Variants in UGT1A3 observed in about 807,000 individuals in gnomAD.
The protein encoded by UGT1A3 is UDP-glucuronosyltransferase 1A3.
A neutral mutation model predicts 41.0 loss-of-function variants in UGT1A3; 31 were observed. The ratio of observed to expected loss-of-function variants is 0.76; its 90% CI spans 0.57 to 1.02. UGT1A3 has a LOEUF of 1.02. UGT1A3 is among the 50% of genes least tolerant of loss of function. The probability of loss-of-function intolerance (pLI) is 0.00; values close to 1 mark genes in which losing one functional copy is unlikely to be tolerated. For synonymous variants in UGT1A3, 262 were observed against 257.6 expected, an observed-to-expected ratio of 1.02 and a Z score of -0.17; for missense variants, 737 against 671.0, an observed-to-expected ratio of 1.10 and a Z score of -1.09.
intron 1 of UGT1A3, chr2:233,760,497 C>T (rs1553620689): frequency 2.5e-6 from 4 of 1,614,200 alleles, no homozygotes; most frequent in East Asian, 2.2e-5. Flanking sequence ...ACATCAGAGA[C>T]GGAGCATTTT....
At position 233,772,256 on chromosome 2, in the gene UGT1A3, G is replaced by A; in HGVS notation, c.1308-6G>A. ...CCAGGCATAACGAAACTGTCTTTGTGTTTAGTTACAAGGAGAACATCATGC... is the reference window on the plus strand; with the variant it reads ...CCAGGCATAACGAAACTGTCTTTGTATTTAGTTACAAGGAGAACATCATGC... On this transcript the variant is annotated splice_polypyrimidine_tract_variant and splice_region_variant and intron_variant, in intron 4 of 4. Coordinates refer to ENST00000482026, the MANE Select transcript of UGT1A3 (RefSeq NM_019093.4). 1.9e-6 allele frequency: 3 copies of A among 1,614,262 alleles called. No homozygotes were observed. Among genetic ancestry groups the A allele is most frequent in the Non-Finnish European group, 2.5e-6 (3 of 1,180,048 alleles).
Position 233,729,233 on chromosome 2 carries a change from T to G in UGT1A3, c.107T>G (p.Ile36Ser). The G allele has an allele frequency of 6.2e-7, 1 of 1,614,178 alleles. No individual in the cohort carries two copies. Among genetic ancestry groups the G allele is most frequent in the South Asian group, 1.1e-5 (1 of 91,084 alleles). The change falls in exon 1 of 5, where the codon ATT becomes AGT. Residue 36 changes from isoleucine (I) to serine (S), a missense_variant. Coordinates refer to ENST00000482026, the MANE Select transcript of UGT1A3 (RefSeq NM_019093.4). ...AGTGGAAAGGTGTTGGTGGTGCCCA[T>G]TGATGGCAGCCACTGGCTCAGCATG... is the stretch of plus-strand genomic sequence containing the variant. ...AESGKVLVVP[I>S]DGSHWLSMRE...
chr2:233,740,930 T>G (rs1298950917), intron 1 of UGT1A3: 2 of 151,696 alleles, frequency 1.3e-5, no homozygotes, highest in African/African-American at 2.4e-5. Flanking sequence ...ACAAAAAGTT[T>G]TTTTTTTAAT....
Position 233,769,463 on chromosome 2 carries a change from G to A in UGT1A3, c.1307+1024G>A. On this transcript the variant is annotated intron_variant, in intron 4 of 4. Coordinates refer to ENST00000482026, the MANE Select transcript of UGT1A3 (RefSeq NM_019093.4). The surrounding 1 kb of genome is among the most constrained non-coding windows in gnomAD (Gnocchi z 4.4). Reference sequence around the variant, plus strand: ...TGGGTGCACACGTGTGCATTCATATGCGTGTGTGTGTGTGTGCGTGTGTTT... The same window carrying A: ...TGGGTGCACACGTGTGCATTCATATACGTGTGTGTGTGTGTGCGTGTGTTT... 6.3e-7 allele frequency: 1 copy of A among 1,598,098 alleles called. No homozygotes were observed. The highest frequency in any genetic ancestry group is 8.6e-7 in the Non-Finnish European group (1 of 1,168,000).
chr2:233,755,226 G>A lies in UGT1A3; in HGVS notation c.868-11808G>A, dbSNP rs529614771. The A allele has an allele frequency of 5.1e-6, 5 of 975,542 alleles. No homozygotes were observed. In the East Asian group the frequency reaches 1.5e-4, roughly 29 times the overall value. 60.4% of individuals were successfully genotyped at this position (975,542 alleles called of 1,614,324 possible). On this transcript the variant is annotated intron_variant, in intron 1 of 4. Transcript: ENST00000482026. ...GTACGCCTTCTTGATACCCTCGGAC[G>A]AGGCCTACCGGGGTACTCCCAGCAC...
At chr2:233,768,580 T>TTA in intron 4 of UGT1A3, 141 bp downstream of exon 4, 2 of 1,335,112 alleles carry the variant, frequency 1.5e-6, no homozygotes, top group Non-Finnish European at 1.9e-6. Context: ...TTTTTATTTC[T>TTA]TCTTTTTTTT....
chr2:233,729,175 C>T lies in UGT1A3; in HGVS notation c.49C>T (p.Leu17=), dbSNP rs2077809820. The change falls in exon 1 of 5, where the codon CTG becomes TTG. Residue 17 remains leucine, a synonymous_variant. Coordinates refer to ENST00000482026, the MANE Select transcript of UGT1A3 (RefSeq NM_019093.4). ...CCTGCCGTGGCTGGCCACAGGACTG[C>T]TGCTTCTCCTCAGTGTCCAGCCCTG... The part of the protein sequence containing the change: ...VPLPWLATGL[L]LLLSVQPWAE... 6.2e-7 allele frequency: 1 copy of T among 1,613,710 alleles called. No homozygotes were observed. The highest frequency in any genetic ancestry group is 1.3e-5 in the African/African-American group (1 of 74,930).
chr2:233,743,833 G>A (rs2125856525), intron 1 of UGT1A3: 1 of 1,367,262 alleles, frequency 7.3e-7, no homozygotes, highest in African/African-American at 1.5e-5. Context: ...GGTGCCACTT[G>A]AGCGCCAGCT....
At chr2:233,761,908 A>G (rs535316155) in intron 1 of UGT1A3, among the ~76,000 whole-genome samples, 1 of 152,320 alleles carries the variant, frequency 6.6e-6, no homozygotes, top group South Asian at 2.1e-4. Flanking sequence ...TTGGCTGAGG[A>G]TCTACTGGCA....
chr2:233,757,541 T>TATACATATACATATAC (rs1229454769), intron 1 of UGT1A3, among the ~76,000 whole-genome samples: 1 of 117,592 alleles, frequency 8.5e-6, no homozygotes, highest in Admixed American at 8.1e-5. Context: ...AAGGAATATA[T>TATACATATACATATAC]ATATATATAT....
chr2:233,743,601 C>G (rs201940151), intron 1 of UGT1A3: 4 of 1,367,294 alleles, frequency 2.9e-6, no homozygotes, highest in Middle Eastern at 2.1e-4. Flanking sequence ...GGGTCCTGGC[C>G]GCCGAAGAAC....
intron 1 of UGT1A3, among the ~76,000 whole-genome samples, chr2:233,739,420 AG>A (rs1432310727): frequency 3.3e-5 from 5 of 152,220 alleles, no homozygotes; most frequent in African/African-American, 1.2e-4. Flanking sequence ...GAAAGCAGCC[AG>A]GACGAGGGCT....
chr2:233,760,729 A>G lies in UGT1A3; in HGVS notation c.868-6305A>G, dbSNP rs1289728507. On this transcript the variant is annotated intron_variant, in intron 1 of 4. Coordinates refer to ENST00000482026, the MANE Select transcript of UGT1A3 (RefSeq NM_019093.4). ...CCTGGCAGAAAGCAGCTTTGATGTCATGCTGACGGACCCTTTCCTTCCTTG... is the reference window on the plus strand; with the variant it reads ...CCTGGCAGAAAGCAGCTTTGATGTCGTGCTGACGGACCCTTTCCTTCCTTG... 1.9e-6 allele frequency: 3 copies of G among 1,614,196 alleles called. No individual in the cohort carries two copies. The Admixed American group carries it at 5.0e-5, about 27-fold the overall frequency.
In UGT1A3 at chr2:233,760,233, CAT is replaced by C. The variant is rs3064744; in HGVS notation, c.868-6787_868-6786del. ...ACTTGGTGTATCGATTGGTTTTTGCCATATATATATATATAAGTAGGAGAGGG... is the reference window on the plus strand; with the variant it reads ...ACTTGGTGTATCGATTGGTTTTTGCCATATATATATATAAGTAGGAGAGGG... On this transcript the variant is annotated intron_variant, in intron 1 of 4. Coordinates refer to ENST00000482026, the MANE Select transcript of UGT1A3 (RefSeq NM_019093.4). 6.6e-3 allele frequency: 9,509 copies of C among 1,449,924 alleles called. 210 individuals carry two copies. The African/African-American group carries it at 0.077, about 12-fold the overall frequency. The allele number at this position is 1,449,924 out of a possible 1,614,324, so 89.8% of individuals were successfully genotyped here.
chr2:233,766,395 C>T (rs1305688036), intron 1 of UGT1A3, among the ~76,000 whole-genome samples: 1 of 152,176 alleles, frequency 6.6e-6, no homozygotes, highest in African/African-American at 2.4e-5. Flanking sequence ...GCTGTCCTTG[C>T]GTCCCTCCGC....
At chr2:233,743,977 C>A (rs1692620866) in intron 1 of UGT1A3, 2 of 1,309,814 alleles carry the variant, frequency 1.5e-6, no homozygotes, top group Middle Eastern at 2.3e-4. Context: ...CTGCCAGCAC[C>A]CAGGCGCAGG....
chr2:233,756,969 C>G (rs1044581590), intron 1 of UGT1A3, among the ~76,000 whole-genome samples: 1 of 151,840 alleles, frequency 6.6e-6, no homozygotes, highest in East Asian at 1.9e-4. Flanking sequence ...TTGGTAAGCA[C>G]GCAATGAACA....
chr2:233,752,963 T>C (rs372881238), intron 1 of UGT1A3, among the ~76,000 whole-genome samples: 4 of 152,322 alleles, frequency 2.6e-5, no homozygotes, highest in African/African-American at 4.8e-5. Context: ...GGGATTTATG[T>C]AACCAATTGT....
chr2:233,767,877 CA>C lies in UGT1A3; in HGVS notation c.1029del (p.Ser344ArgfsTer23). On this transcript the variant is annotated frameshift_variant, in exon 3 of 5. Coordinates refer to ENST00000482026, the MANE Select transcript of UGT1A3 (RefSeq NM_019093.4). LOFTEE classifies it high-confidence loss of function. ...TVLWRYTGTR[P>X]SNLANNTILV... Reference sequence around the variant, plus strand: ...CTGTGGCGGTACACTGGAACCCGACCATCGAATCTTGCGAACAACACGATAC... The same window carrying C: ...CTGTGGCGGTACACTGGAACCCGACCTCGAATCTTGCGAACAACACGATAC... 6.2e-7 allele frequency: 1 copy of C among 1,614,140 alleles called. No homozygotes were observed. The highest frequency in any genetic ancestry group is 8.5e-7 in the Non-Finnish European group (1 of 1,180,040).
Sources: gnomAD v4.1 joint callset for allele counts (sites outside exome capture counted in the v4.1 genomes callset) on GRCh38, gnomAD v4.1.1 for gene constraint, Gnocchi (gnomAD v3.1) non-coding constraint, MANE v1.5 for transcripts, NCBI Gene and HGNC (gene_info 2026-07-23, HGNC 2026-07-21) for gene names.